PSMD14: variants seen among roughly 807,000 people sequenced by gnomAD.
The protein encoded by PSMD14 is ubiquitin C-terminal hydrolase PSMD14.
Under a neutral mutation model 41.2 loss-of-function variants are expected in PSMD14, and 7 were observed. The ratio of observed to expected loss-of-function variants is 0.17; its 90% CI spans 0.10 to 0.32. The LOEUF (loss-of-function observed/expected upper bound fraction) is 0.32, where lower values mean the gene tolerates loss of function less well. Among genes scored for constraint, PSMD14 ranks in the 10% least tolerant of loss-of-function variants. PSMD14 has a pLI of 1.00. For synonymous variants in PSMD14, 114 were observed against 122.3 expected, an observed-to-expected ratio of 0.93 and a Z score of 0.45; for missense variants, 139 against 375.6, an observed-to-expected ratio of 0.37 and a Z score of 5.21.
chr2:161,354,849 C>T (rs1297439642), intron 3 of PSMD14, among the ~76,000 whole-genome samples: 2 of 152,112 alleles, frequency 1.3e-5, no homozygotes, highest in African/African-American at 4.8e-5. Context: ...GTGTCATTTC[C>T]CCCTCTCCCC....
At chr2:161,395,718 A>G (rs1683784959) in intron 10 of PSMD14, among the ~76,000 whole-genome samples, 2 of 152,248 alleles carry the variant, frequency 1.3e-5, no homozygotes, top group South Asian at 4.1e-4. Context: ...TTGAAAACCT[A>G]CAATTTTAAA....
At chr2:161,390,876 G>A (rs1310164873) in intron 8 of PSMD14, among the ~76,000 whole-genome samples, 6 of 152,040 alleles carry the variant, frequency 3.9e-5, no homozygotes, top group Non-Finnish European at 7.4e-5. Flanking sequence ...TGCTTAATTT[G>A]TGCTCCTCCA....
Position 161,411,238 on chromosome 2 carries a change from T to A in PSMD14, c.835-64T>A. The stretch of plus-strand genomic sequence containing the variant: ...TAGTTTCATCAGCTACTGAAAAAAA[T>A]TTAAGTAATTTATCTACCAGTAATA... On this transcript the variant is annotated intron_variant, in intron 11 of 11. Transcript: ENST00000409682. 6 of 1,115,886 alleles carry A rather than the reference T, an allele frequency of 5.4e-6. No individual in the cohort carries two copies. In the South Asian group the frequency reaches 6.9e-5, roughly 13 times the overall value. The allele number at this position is 1,115,886 out of a possible 1,614,324, so 69.1% of individuals were successfully genotyped here.
intron 7 of PSMD14, chr2:161,381,631 C>A (rs1054011200): frequency 2.6e-5 from 4 of 151,716 alleles, no homozygotes; most frequent in African/African-American, 9.7e-5. Context: ...TATGAAAACA[C>A]AAATTTTAAA....
At chr2:161,383,574 G>A (rs1473743628) in intron 7 of PSMD14, 1 of 151,410 alleles carries the variant, frequency 6.6e-6, no homozygotes, top group Non-Finnish European at 1.5e-5. Context: ...TAAAATAGCT[G>A]TCTGCTATTT....
At chr2:161,329,890 CTG>C (rs942111322) in intron 3 of PSMD14, among the ~76,000 whole-genome samples, 4 of 152,090 alleles carry the variant, frequency 2.6e-5, no homozygotes, top group African/African-American at 9.7e-5. Context: ...GTATTAAACT[CTG>C]TGAAAAATAG....
intron 6 of PSMD14, 24 bp downstream of exon 6, chr2:161,370,201 AAAG>A: frequency 6.8e-7 from 1 of 1,474,942 alleles, no homozygotes; most frequent in Non-Finnish European, 9.2e-7. Context: ...ATGATCAGTT[AAAG>A]AAATAATGGG....
intron 3 of PSMD14, among the ~76,000 whole-genome samples, chr2:161,328,776 TCA>T (rs1682741234): frequency 6.6e-6 from 1 of 152,120 alleles, no homozygotes. Context: ...TCTAGATAAC[TCA>T]CAACAAATTC....
intron 1 of PSMD14, among the ~76,000 whole-genome samples, chr2:161,311,521 C>G (rs915729198): frequency 6.6e-6 from 1 of 151,482 alleles, no homozygotes; most frequent in Non-Finnish European, 1.5e-5. Context: ...ACTTGTGTAT[C>G]CATGATTTTG....
At chr2:161,354,236 G>C (rs752569076) in intron 3 of PSMD14, among the ~76,000 whole-genome samples, 4 of 152,066 alleles carry the variant, frequency 2.6e-5, no homozygotes, top group Non-Finnish European at 5.9e-5. Flanking sequence ...GATGCTGTGT[G>C]TATGTGTGTC....
At chr2:161,380,431 A>G (rs1371168105) in intron 7 of PSMD14, among the ~76,000 whole-genome samples, 2 of 152,038 alleles carry the variant, frequency 1.3e-5, no homozygotes, top group African/African-American at 4.8e-5. Flanking sequence ...ATTAAAGCAT[A>G]TACGTTCAAA....
intron 5 of PSMD14, among the ~76,000 whole-genome samples, chr2:161,369,284 A>G (rs1488495528): frequency 6.6e-6 from 1 of 152,076 alleles, no homozygotes; most frequent in Non-Finnish European, 1.5e-5. Flanking sequence ...AGAATTAGAA[A>G]GTTTTTCTTC....
chr2:161,355,727 A>G (rs1250859279), intron 3 of PSMD14, among the ~76,000 whole-genome samples: 1 of 152,222 alleles, frequency 6.6e-6, no homozygotes, highest in Non-Finnish European at 1.5e-5. Context: ...TTTATGTTTT[A>G]AAACACTTTT....
intron 10 of PSMD14, among the ~76,000 whole-genome samples, chr2:161,406,436 G>A (rs1683948077): frequency 6.6e-6 from 1 of 152,162 alleles, no homozygotes. Flanking sequence ...CACAGAAGTT[G>A]CCATAAACAC....
chr2:161,325,694 A>C (rs1207682335), intron 3 of PSMD14, among the ~76,000 whole-genome samples: 1 of 152,216 alleles, frequency 6.6e-6, no homozygotes, highest in African/African-American at 2.4e-5. Context: ...AAAATAGTTC[A>C]AGAATAGCAA....
chr2:161,321,509 A>G (rs964649356), intron 3 of PSMD14, among the ~76,000 whole-genome samples: 1 of 152,150 alleles, frequency 6.6e-6, no homozygotes, highest in East Asian at 1.9e-4. Flanking sequence ...AATTGACACA[A>G]ACCTGGCGGT....
intron 11 of PSMD14, among the ~76,000 whole-genome samples, chr2:161,410,219 CACCTAAAA>C (rs1396572962): frequency 2.6e-5 from 4 of 151,920 alleles, no homozygotes; most frequent in Non-Finnish European, 5.9e-5. Flanking sequence ...CAGTGTTTTT[CACCTAAAA>C]TGCCCTAAGA....
At chr2:161,408,502 A>G (rs1371237251) in intron 10 of PSMD14, 1 of 293,584 alleles carries the variant, frequency 3.4e-6, no homozygotes, top group African/African-American at 2.2e-5. Context: ...TTAGTACCAC[A>G]GTGCCGTAAG....
chr2:161,394,743 A>C (rs1683768362), intron 9 of PSMD14, among the ~76,000 whole-genome samples: 2 of 152,162 alleles, frequency 1.3e-5, no homozygotes, highest in Admixed American at 1.3e-4. Flanking sequence ...TTAAGGGAAG[A>C]AAGATTTTGT....
Sources: allele counts gnomAD v4.1 joint callset (sites outside exome capture counted in the v4.1 genomes callset), GRCh38; gene constraint gnomAD v4.1.1; transcripts MANE v1.5; gene names NCBI Gene and HGNC (gene_info 2026-07-23, HGNC 2026-07-21).